PIK3C3: variants seen among roughly 807,000 people sequenced by gnomAD.
PIK3C3 encodes phosphatidylinositol 3-kinase catalytic subunit type 3, also known as PI3-kinase type 3.
Under a neutral mutation model 126.1 loss-of-function variants are expected in PIK3C3, and 95 were observed. That is an observed-to-expected ratio of 0.75 (90% CI 0.64 to 0.89). PIK3C3 has a LOEUF of 0.89. Ranked by LOEUF, PIK3C3 falls within the 40% of genes least tolerant of loss-of-function variation. The probability of loss-of-function intolerance (pLI) is 0.00; values close to 1 mark genes in which losing one functional copy is unlikely to be tolerated. For synonymous variants in PIK3C3, 374 were observed against 360.0 expected, an observed-to-expected ratio of 1.04 and a Z score of -0.44; for missense variants, 829 against 1,063.2, an observed-to-expected ratio of 0.78 and a Z score of 3.06.
chr18:42,067,490 G>T lies in PIK3C3; in HGVS notation c.2626G>T (p.Glu876Ter). ...CCATGCTCTTTTTGCTGCAGTGGTG[G>T]AACAGATTCACAAGTTTGCCCAGGT... Reference protein sequence around the residue: ...SVHALFAAVVEQIHKFAQYWR... With the variant: ...SVHALFAAVV The change falls in exon 24 of 25, where the codon GAA becomes TAA. Residue 876 changes from glutamate to a stop codon, truncating the protein, a stop_gained. Transcript: ENST00000262039. LOFTEE classifies it high-confidence loss of function. 6.2e-7 allele frequency: 1 copy of T among 1,614,136 alleles called. No individual in the cohort carries two copies. The highest frequency in any genetic ancestry group is 8.5e-7 in the Non-Finnish European group (1 of 1,179,994).
At position 42,013,613 on chromosome 18, in the gene PIK3C3, A is replaced by G. The variant is rs1982934211; in HGVS notation, c.1325+17A>G. On this transcript the variant is annotated intron_variant, in intron 11 of 24. Transcript: ENST00000262039. ...AATAGATAGGTATGGATATCCAGGG[A>G]GGACATATTTTCTAGTTTGTTAATT... The G allele has an allele frequency of 1.3e-6, 2 of 1,543,722 alleles. No individual in the cohort carries two copies. The highest frequency in any genetic ancestry group is 2.4e-5 in the South Asian group (2 of 83,228).
chr18:42,067,406 T>C lies in PIK3C3; in HGVS notation c.2542T>C (p.Leu848=), dbSNP rs768541865. 6.8e-6 allele frequency: 11 copies of C among 1,613,966 alleles called. No homozygotes were observed. In the East Asian group the frequency reaches 2.5e-4, roughly 36 times the overall value. The change falls in exon 24 of 25, where the codon TTA becomes CTA. Residue 848 remains leucine (L), a synonymous_variant. Transcript: ENST00000262039. ...TVKKVQDKFR[L]DLSDEEAVHY... Reference sequence around the variant, plus strand: ...CTTATAGGTTCAGGATAAATTCCGCTTAGACCTGTCGGATGAAGAGGCTGT... The same window carrying C: ...CTTATAGGTTCAGGATAAATTCCGCCTAGACCTGTCGGATGAAGAGGCTGT...
In PIK3C3 at chr18:42,065,764, A is replaced by T. The variant is rs1308005975; in HGVS notation, c.2523+934A>T. On this transcript the variant is annotated intron_variant, in intron 23 of 24. Coordinates refer to ENST00000262039, the MANE Select transcript of PIK3C3 (RefSeq NM_002647.4). ...TGGTTAATTTACAATAGCCTTAAGT[A>T]TTAGAACAATTAGTGTATGTGTTAA... Among the ~76,000 whole-genome samples the T allele has an allele frequency of 4.6e-5, 7 of 152,306 alleles. No homozygotes were observed. In the South Asian group the frequency reaches 1.2e-3, roughly 27 times the overall value.
intron 9 of PIK3C3, among the ~76,000 whole-genome samples, chr18:42,002,913 T>C (rs1982358325): frequency 6.6e-6 from 1 of 152,170 alleles, no homozygotes; most frequent in Non-Finnish European, 1.5e-5. Context: ...AGATTAGTGT[T>C]GTCAGAGTAA....
At chr18:42,028,971 C>G (rs903358881) in intron 14 of PIK3C3, among the ~76,000 whole-genome samples, 29 of 152,076 alleles carry the variant, frequency 1.9e-4, no homozygotes, top group Admixed American at 3.3e-4. Flanking sequence ...ATATGTCTAG[C>G]ACATTTCTGC....
At chr18:41,979,895 T>TATTATTATTATTATTATTATTATC (rs142491238) in intron 4 of PIK3C3, among the ~76,000 whole-genome samples, 2 of 149,664 alleles carry the variant, frequency 1.3e-5, no homozygotes, top group African/African-American at 4.9e-5. Flanking sequence ...TTATTATTAT[T>TATTATTATTATTATTATTATTATC]ATTATTATTA....
chr18:41,964,251 G>A (rs539932629), intron 3 of PIK3C3, among the ~76,000 whole-genome samples: 1 of 152,208 alleles, frequency 6.6e-6, no homozygotes, highest in South Asian at 2.1e-4. Flanking sequence ...TTTTAAAATA[G>A]CATCCTTATA....
intron 4 of PIK3C3, among the ~76,000 whole-genome samples, chr18:41,982,227 AG>A (rs1022911138): frequency 2.0e-5 from 3 of 152,112 alleles, no homozygotes; most frequent in African/African-American, 7.2e-5. Flanking sequence ...ATGAGATGGG[AG>A]GTAATTGACA....
intron 15 of PIK3C3, 92 bp downstream of exon 15, chr18:42,029,533 A>AT: frequency 2.7e-6 from 1 of 373,868 alleles, no homozygotes; most frequent in Non-Finnish European, 4.9e-6. Flanking sequence ...TTGATACGTG[A>AT]ATTTTTTTTT....
intron 24 of PIK3C3, among the ~76,000 whole-genome samples, chr18:42,078,836 A>G (rs925119179): frequency 3.3e-5 from 5 of 152,148 alleles, no homozygotes; most frequent in African/African-American, 9.7e-5. Context: ...AACCTCTGCT[A>G]CCTTTAGACT....
At chr18:42,080,528 G>T (rs1025044698) in intron 24 of PIK3C3, among the ~76,000 whole-genome samples, 3 of 152,162 alleles carry the variant, frequency 2.0e-5, no homozygotes, top group Non-Finnish European at 2.9e-5. Flanking sequence ...AAGGGCACGA[G>T]TTATGGATGA....
rs141284827 is a variant in PIK3C3, at chr18:41,992,908, A to C, written c.715-362A>C. 2.0e-3 allele frequency among the ~76,000 whole-genome samples: 302 copies of C among 152,260 alleles called. 2 individuals are homozygous for C. The highest frequency in any genetic ancestry group is 6.9e-3 in the African/African-American group (287 of 41,570). Reference sequence around the variant, plus strand: ...ACATCCATTGTGCCACATTTTACATATAGTCTGTGGTTTCTTGTTCTGAGT... The same window carrying C: ...ACATCCATTGTGCCACATTTTACATCTAGTCTGTGGTTTCTTGTTCTGAGT... On this transcript the variant is annotated intron_variant, in intron 6 of 24. Transcript: ENST00000262039.
At chr18:42,036,568 C>T (rs1984061380) in intron 16 of PIK3C3, among the ~76,000 whole-genome samples, 1 of 151,908 alleles carries the variant, frequency 6.6e-6, no homozygotes, top group African/African-American at 2.4e-5. Context: ...CCAGAATATC[C>T]ATCTTAGCAT....
At chr18:42,055,089 T>C (rs756683616) in intron 21 of PIK3C3, among the ~76,000 whole-genome samples, 1 of 152,096 alleles carries the variant, frequency 6.6e-6, no homozygotes, top group Non-Finnish European at 1.5e-5. Context: ...TTGATGGAGA[T>C]AGGATCAAAT....
intron 13 of PIK3C3, among the ~76,000 whole-genome samples, chr18:42,024,896 C>T (rs1290207010): frequency 1.3e-5 from 2 of 151,630 alleles, no homozygotes; most frequent in Admixed American, 6.6e-5. Context: ...CTCTGCCTCA[C>T]GAGTTCACGC....
chr18:42,082,178 A>G lies in PIK3C3; in HGVS notation c.*1041A>G, dbSNP rs1986273910. ...TGGTAATAATCTTTTGCAACTTAAT[A>G]TGTTACATAGTCATATGACTTGGTC... On this transcript the variant is annotated 3_prime_UTR_variant, in exon 25 of 25. Coordinates refer to ENST00000262039, the MANE Select transcript of PIK3C3 (RefSeq NM_002647.4). 1 of 152,224 alleles carries G rather than the reference A, an allele frequency of 6.6e-6. No individual in the cohort carries two copies. The highest frequency in any genetic ancestry group is 1.5e-5 in the Non-Finnish European group (1 of 68,040). 9.4% of individuals were successfully genotyped at this position (152,224 alleles called of 1,614,324 possible).
At chr18:42,037,466 A>G (rs1053191183) in intron 16 of PIK3C3, among the ~76,000 whole-genome samples, 1 of 152,174 alleles carries the variant, frequency 6.6e-6, no homozygotes, top group Non-Finnish European at 1.5e-5. Context: ...TAACCACATG[A>G]CTGATTGCAG....
chr18:41,956,277 A>C (rs1193173092), intron 1 of PIK3C3, among the ~76,000 whole-genome samples: 2 of 152,202 alleles, frequency 1.3e-5, no homozygotes, highest in Non-Finnish European at 2.9e-5. Flanking sequence ...TATTTTCAGA[A>C]GTCCCTTATT....
In PIK3C3 at chr18:42,081,147, T is replaced by C. The variant is rs1208693442; in HGVS notation, c.*10T>C. 1.3e-6 allele frequency: 2 copies of C among 1,575,180 alleles called. No homozygotes were observed. Among genetic ancestry groups the C allele is most frequent in the Non-Finnish European group, 1.7e-6 (2 of 1,149,828 alleles). On this transcript the variant is annotated 3_prime_UTR_variant, in exon 25 of 25. Transcript: ENST00000262039. ...GTACTGGAGAAAATGAAACTGGGAT[T>C]GACCCATCAAGATGCTTGGCTCAAT...
Sources: gnomAD v4.1 joint callset for allele counts (sites outside exome capture counted in the v4.1 genomes callset) on GRCh38, gnomAD v4.1.1 for gene constraint, MANE v1.5 for transcripts, NCBI Gene and HGNC (gene_info 2026-07-23, HGNC 2026-07-21) for gene names.